Variants in CPZ observed in about 807,000 individuals in gnomAD.
The protein encoded by CPZ is VEZT/CPZ fusion.
In CPZ, 103 loss-of-function variants were observed where a neutral mutation model predicts 61.8. The observed-to-expected ratio is 1.67, with a 90% CI of 1.42 to 1.96. CPZ has a LOEUF of 1.96. CPZ is among the 30% of genes most tolerant of loss of function. CPZ has a pLI of 0.00. For missense variants in CPZ, 1,461 were observed against 914.9 expected (o/e 1.60, Z -7.70); for synonymous variants, 551 against 373.7 (o/e 1.47, Z -5.47).
At position 8,601,271 on chromosome 4, in the gene CPZ, A is replaced by G. The variant is rs767044965; in HGVS notation, c.270A>G (p.Glu90=). The G allele has an allele frequency of 3.7e-6, 6 of 1,613,570 alleles. No individual in the cohort carries two copies. The highest frequency in any genetic ancestry group is 3.4e-6 in the Non-Finnish European group (4 of 1,179,900). Residue 90 remains glutamate, a synonymous_variant, in exon 3 of 11, where the codon GAA becomes GAG. Transcript: ENST00000360986. ...TGAGCGTTCTACACCAGCTCCTGGAAGGCCAGTGCAACCCGGACCTGCGGC... is the reference window on the plus strand; with the variant it reads ...TGAGCGTTCTACACCAGCTCCTGGAGGGCCAGTGCAACCCGGACCTGCGGC... ...ILLSVLHQLL[E]GQCNPDLRLL...
chr4:8,618,330 A>C, intron 9 of CPZ, 99 bp from the exon 10 acceptor site: 1 of 1,159,186 alleles, frequency 8.6e-7, no homozygotes, highest in Non-Finnish European at 1.3e-6. Context: ...TTCCCCCTAG[A>C]TACCAAGCTC....
chr4:8,599,885 T>G, intron 2 of CPZ: 1 of 230,960 alleles, frequency 4.3e-6, no homozygotes, highest in Non-Finnish European at 8.6e-6. Flanking sequence ...GATTTCCTCC[T>G]TGTGACAGGA....
rs568356985 is a variant in CPZ at position 8,614,311 on chromosome 4, C to T, written c.1364-48C>T. On this transcript the variant is annotated intron_variant, in intron 8 of 10. Transcript: ENST00000360986. ...CTGACACCCCTGACGTCCCGGCTGT[C>T]TCTGTGCGGCTGACACCCCTGACGT... 1.2e-4 allele frequency: 187 copies of T among 1,587,022 alleles called. 1 individual carries two copies. The South Asian group carries it at 2.1e-3, about 18-fold the overall frequency.
chr4:8,611,095 C>T (rs1313253623), intron 7 of CPZ: 6 of 401,002 alleles, frequency 1.5e-5, no homozygotes, highest in African/African-American at 4.4e-5. Flanking sequence ...CATTCACTCA[C>T]TCACTCACTC....
chr4:8,615,780 A>G (rs1281879385), intron 9 of CPZ, among the ~76,000 whole-genome samples: 8 of 152,178 alleles, frequency 5.3e-5, no homozygotes. Flanking sequence ...TCTGTCCATG[A>G]GCCCCCTCCT....
At chr4:8,597,089 C>T (rs1274872057) in intron 1 of CPZ, among the ~76,000 whole-genome samples, 1 of 152,202 alleles carries the variant, frequency 6.6e-6, no homozygotes, top group Non-Finnish European at 1.5e-5. Flanking sequence ...CTTGAGCTGA[C>T]TGTGCTGTAG....
intron 1 of CPZ, among the ~76,000 whole-genome samples, chr4:8,593,708 C>G (rs1713965305): frequency 1.3e-5 from 2 of 152,176 alleles, no homozygotes; most frequent in African/African-American, 2.4e-5. Flanking sequence ...ATCGCTTGTT[C>G]TCTGGGGTTT....
At chr4:8,592,994 C>T (rs1007318218) in intron 1 of CPZ, 73 bp downstream of exon 1, 22 of 1,250,318 alleles carry the variant, frequency 1.8e-5, no homozygotes, top group Admixed American at 4.6e-5. Flanking sequence ...CGTCGCTTCC[C>T]AGGGGCCCGG....
intron 1 of CPZ, among the ~76,000 whole-genome samples, chr4:8,594,935 A>G (rs1256072376): frequency 6.6e-6 from 1 of 152,048 alleles, no homozygotes; most frequent in Non-Finnish European, 1.5e-5. Flanking sequence ...ACCGCGCCCA[A>G]CTAATTTTTT....
intron 4 of CPZ, among the ~76,000 whole-genome samples, chr4:8,605,416 C>T (rs1560293958): frequency 2.0e-5 from 3 of 151,536 alleles, no homozygotes; most frequent in South Asian, 2.1e-4. Context: ...ATGCATCCAT[C>T]CACTCATCAT....
chr4:8,608,635 A>T (rs149232875), intron 7 of CPZ, among the ~76,000 whole-genome samples: 1 of 4,576 alleles, frequency 2.2e-4, no homozygotes, highest in East Asian at 8.8e-3. Flanking sequence ...GAGGGCTGTG[A>T]GTGCACGTGT....
In CPZ at chr4:8,612,056, T is replaced by A. The variant is rs750063763; in HGVS notation, c.1257T>A (p.Ala419=). 14 of 1,613,824 alleles carry A rather than the reference T, an allele frequency of 8.7e-6. No individual in the cohort carries two copies. The highest frequency in any genetic ancestry group is 1.6e-4 in the Middle Eastern group (1 of 6,084). Residue 419 remains alanine, a synonymous_variant, in exon 8 of 11, where the codon GCT becomes GCA. Coordinates refer to ENST00000360986, the MANE Select transcript of CPZ (RefSeq NM_001014447.3). ...TCAAGCTGCTGTCCAGAGCCTACGC[T>A]GACGTCCACCCCATGATGATGGACA... ...KMFKLLSRAY[A]DVHPMMMDRS...
chr4:8,618,514 A>G lies in CPZ; in HGVS notation c.1589A>G (p.His530Arg), dbSNP rs758480245. ...NARISVKGIR[H>R]DITTAPDGDY... ...CGGATCTCAGTCAAAGGCATTCGCCACGACATCACCACAGGTGAGCACGTC... is the reference window on the plus strand; with the variant it reads ...CGGATCTCAGTCAAAGGCATTCGCCGCGACATCACCACAGGTGAGCACGTC... Residue 530 changes from histidine (H) to arginine (R), a missense_variant, in exon 10 of 11, where the codon CAC becomes CGC. His to Arg is a conservative substitution (Grantham distance 29). Transcript: ENST00000360986. 3.1e-6 allele frequency: 5 copies of G among 1,613,880 alleles called. No individual in the cohort carries two copies. Among genetic ancestry groups the G allele is most frequent in the Non-Finnish European group, 3.4e-6 (4 of 1,180,008 alleles).
At chr4:8,593,883 G>T (rs1023582469) in intron 1 of CPZ, among the ~76,000 whole-genome samples, 1 of 152,166 alleles carries the variant, frequency 6.6e-6, no homozygotes, top group Non-Finnish European at 1.5e-5. Flanking sequence ...TCTACCCGCT[G>T]CGTGTGTGCT....
chr4:8,611,897 G>A (rs1715729082), intron 7 of CPZ, 130 bp from the exon 8 acceptor site: 1 of 1,311,292 alleles, frequency 7.6e-7, no homozygotes, highest in Middle Eastern at 2.3e-4. Context: ...TCTCCTACCT[G>A]CAGACACCAT....
In CPZ at chr4:8,614,452, T is replaced by C. The variant is rs7378066; in HGVS notation, c.1457T>C (p.Ile486Thr). The change falls in exon 9 of 11, where the codon ATA becomes ACA. Residue 486 changes from isoleucine to threonine, a missense_variant. By Grantham distance (89) the Ile-to-Thr change is moderately conservative (BLOSUM62 -1). Transcript: ENST00000360986. Reference sequence around the variant, plus strand: ...TTCCCCCCCGAGGAGGCCCTGTACATACTCTGGCAGCACAACAAGGAGTCA... The same window carrying C: ...TTCCCCCCCGAGGAGGCCCTGTACACACTCTGGCAGCACAACAAGGAGTCA... ...VKFPPEEALY[I>T]LWQHNKESLL... The C allele has an allele frequency of 1, 1,612,472 of 1,613,980 alleles. 805,500 individuals are homozygous for C. The highest frequency in any genetic ancestry group is 1 in the East Asian group (44,867 of 44,868).
chr4:8,608,430 T>A (rs900639626), intron 7 of CPZ, among the ~76,000 whole-genome samples: 1 of 152,214 alleles, frequency 6.6e-6, no homozygotes, highest in Non-Finnish European at 1.5e-5. Flanking sequence ...TTCTCCTTTC[T>A]GAGGCCACCC....
intron 2 of CPZ, among the ~76,000 whole-genome samples, chr4:8,600,637 G>A (rs1714506417): frequency 6.6e-6 from 1 of 152,240 alleles, no homozygotes; most frequent in South Asian, 2.1e-4. Flanking sequence ...GCAGAGATGA[G>A]CCGGCTGAGC....
chr4:8,606,939 T>A, intron 6 of CPZ, 41 bp downstream of exon 6: 1 of 1,547,280 alleles, frequency 6.5e-7, no homozygotes. Flanking sequence ...CACCAAGGCA[T>A]CCAGGGGTCC....
Sources: allele counts gnomAD v4.1 joint callset (sites outside exome capture counted in the v4.1 genomes callset), GRCh38; gene constraint gnomAD v4.1.1; transcripts MANE v1.5; gene names NCBI Gene and HGNC (gene_info 2026-07-23, HGNC 2026-07-21).